Variants in FHIT observed in about 807,000 individuals in gnomAD.
FHIT encodes fragile histidine triad diadenosine triphosphatase.
A neutral mutation model predicts 17.9 loss-of-function variants in FHIT; 19 were observed. The ratio of observed to expected loss-of-function variants is 1.06; its 90% CI spans 0.74 to 1.56. The LOEUF is 1.56. FHIT is among the 40% of genes most tolerant of loss of function. The pLI is 0.00. For missense variants in FHIT, 248 were observed against 189.2 expected, an observed-to-expected ratio of 1.31 and a Z score of -1.82; for synonymous variants, 81 against 69.7, an observed-to-expected ratio of 1.16 and a Z score of -0.81.
At chr3:59,909,168 G>A (rs1013478278) in intron 8 of FHIT, among the ~76,000 whole-genome samples, 2 of 147,718 alleles carry the variant, frequency 1.4e-5, no homozygotes, top group African/African-American at 5.0e-5. Flanking sequence ...TGAGTAGCTG[G>A]CACTATAGGC....
chr3:60,383,789 C>T (rs9842521), intron 5 of FHIT, among the ~76,000 whole-genome samples: 2 of 151,932 alleles, frequency 1.3e-5, no homozygotes, highest in East Asian at 3.9e-4. Flanking sequence ...TTATTTGTTT[C>T]ATCCTTATTC....
intron 5 of FHIT, among the ~76,000 whole-genome samples, chr3:60,517,305 G>T (rs956094965): frequency 6.6e-6 from 1 of 152,020 alleles, no homozygotes. Flanking sequence ...TTATATTATT[G>T]CCATATATGA....
chr3:60,361,840 G>A (rs1253531753), intron 5 of FHIT, among the ~76,000 whole-genome samples: 3 of 152,188 alleles, frequency 2.0e-5, no homozygotes, highest in South Asian at 2.1e-4. Context: ...TTTGAGGGAA[G>A]TGAGCTGTAC....
At chr3:60,905,027 C>G (rs1706331423) in intron 3 of FHIT, among the ~76,000 whole-genome samples, 1 of 151,262 alleles carries the variant, frequency 6.6e-6, no homozygotes, top group Admixed American at 6.6e-5. Context: ...AGGAATTGCC[C>G]TTAAACATAT....
chr3:60,302,075 A>C (rs1457465840), intron 5 of FHIT, among the ~76,000 whole-genome samples: 1 of 152,188 alleles, frequency 6.6e-6, no homozygotes. Context: ...TGCTTTTTAA[A>C]AAGAAGTATC....
intron 3 of FHIT, among the ~76,000 whole-genome samples, chr3:60,995,154 A>G (rs2030564186): frequency 6.6e-6 from 1 of 151,874 alleles, no homozygotes; most frequent in South Asian, 2.1e-4. Context: ...CCCTGTCTCT[A>G]CTAAGAAATA....
chr3:60,859,173 C>G (rs565388033), intron 3 of FHIT, among the ~76,000 whole-genome samples: 1 of 152,082 alleles, frequency 6.6e-6, no homozygotes, highest in Non-Finnish European at 1.5e-5. Flanking sequence ...ATAGGAGTAT[C>G]GAATAGTGGT....
chr3:60,717,598 G>A (rs1023885326), intron 4 of FHIT, among the ~76,000 whole-genome samples: 2 of 152,152 alleles, frequency 1.3e-5, no homozygotes, highest in East Asian at 1.9e-4. Context: ...TACAGTTAGC[G>A]AAGATTTGAG....
rs1473953377 is a variant in FHIT, at chr3:60,298,338, A to T, written c.103+238522T>A. On this transcript the variant is annotated intron_variant, in intron 5 of 9. Coordinates refer to ENST00000492590, the MANE Select transcript of FHIT (RefSeq NM_002012.4). ...TTGGTTCTCCTAGCAACCAGTCCCC[A>T]TTCTGAGGCTATCTAGGGGCCCCAG... 3.9e-5 allele frequency among the ~76,000 whole-genome samples: 6 copies of T among 151,956 alleles called. No homozygotes were observed. The South Asian group carries it at 8.3e-4, about 21-fold the overall frequency.
At chr3:61,242,329 A>G (rs1370204334) in intron 1 of FHIT, among the ~76,000 whole-genome samples, 6 of 152,112 alleles carry the variant, frequency 3.9e-5, no homozygotes, top group Non-Finnish European at 7.4e-5. Context: ...CATCTAGCTA[A>G]AAGCAGGGCA....
chr3:59,814,989 G>T (rs1200452265), intron 8 of FHIT, among the ~76,000 whole-genome samples: 1 of 152,194 alleles, frequency 6.6e-6, no homozygotes, highest in Non-Finnish European at 1.5e-5. Flanking sequence ...ACTATTCATA[G>T]AAATGGGTGA....
intron 8 of FHIT, among the ~76,000 whole-genome samples, chr3:59,754,751 A>T (rs911640930): frequency 7.9e-5 from 12 of 152,200 alleles, no homozygotes; most frequent in African/African-American, 2.4e-4. Flanking sequence ...TCCTTAGAAG[A>T]AGTTTTTGGG....
At chr3:60,199,101 A>G (rs374111008) in intron 5 of FHIT, among the ~76,000 whole-genome samples, 6 of 152,302 alleles carry the variant, frequency 3.9e-5, no homozygotes, top group South Asian at 4.1e-4. Context: ...GCAAAAGAAG[A>G]GCAAATACAG....
chr3:60,101,172 C>T (rs1202321854), intron 5 of FHIT, among the ~76,000 whole-genome samples: 1 of 152,196 alleles, frequency 6.6e-6, no homozygotes, highest in Admixed American at 6.5e-5. Flanking sequence ...GGGCTTGACA[C>T]AAATGTAAAG....
intron 7 of FHIT, among the ~76,000 whole-genome samples, chr3:59,946,158 G>A (rs955342296): frequency 6.6e-6 from 1 of 152,174 alleles, no homozygotes; most frequent in African/African-American, 2.4e-5. Flanking sequence ...CTATCCACGA[G>A]CATGGAATGT....
chr3:60,569,734 T>TATATATATATATATATATATATAC (rs1553654738), intron 4 of FHIT, among the ~76,000 whole-genome samples: 55 of 44,066 alleles, frequency 1.2e-3, no homozygotes, highest in South Asian at 2.6e-3. Context: ...ACTATATATA[T>TATATATATATATATATATATATAC]ATATATATAT....
At chr3:60,496,598 A>G (rs1242306945) in intron 5 of FHIT, among the ~76,000 whole-genome samples, 2 of 152,198 alleles carry the variant, frequency 1.3e-5, no homozygotes, top group African/African-American at 2.4e-5. Flanking sequence ...AATGTTGGAG[A>G]AATGTGTACC....
At chr3:60,439,969 C>T (rs1293608870) in intron 5 of FHIT, among the ~76,000 whole-genome samples, 2 of 152,062 alleles carry the variant, frequency 1.3e-5, no homozygotes, top group Non-Finnish European at 1.5e-5. Flanking sequence ...CTCTTTCTCA[C>T]CATTTACTGA....
chr3:60,155,877 T>A (rs1470627593), intron 5 of FHIT, among the ~76,000 whole-genome samples: 1 of 152,068 alleles, frequency 6.6e-6, no homozygotes, highest in Admixed American at 6.5e-5. Context: ...TCCTTTAGAC[T>A]CCCTCTCTCT....
Sources: allele counts gnomAD v4.1 joint callset (sites outside exome capture counted in the v4.1 genomes callset), GRCh38; gene constraint gnomAD v4.1.1; transcripts MANE v1.5; gene names NCBI Gene and HGNC (gene_info 2026-07-23, HGNC 2026-07-21).